AGBL4: variants seen among roughly 807,000 people sequenced by gnomAD.
The protein encoded by AGBL4 is cytosolic carboxypeptidase 6.
In AGBL4, 58 loss-of-function variants were observed where a neutral mutation model predicts 66.4. The observed-to-expected ratio is 0.87, with a 90% CI of 0.71 to 1.09. The LOEUF (loss-of-function observed/expected upper bound fraction) is 1.09. Ranked by LOEUF, AGBL4 falls within the 50% of genes least tolerant of loss-of-function variation. The pLI is 0.00. For missense variants in AGBL4, 579 were observed against 631.0 expected, an observed-to-expected ratio of 0.92 and a Z score of 0.88; for synonymous variants, 234 against 222.9, an observed-to-expected ratio of 1.05 and a Z score of -0.44.
chr1:49,737,885 A>G (rs1650030952), intron 2 of AGBL4, among the ~76,000 whole-genome samples: 2 of 152,240 alleles, frequency 1.3e-5, no homozygotes, highest in Admixed American at 1.3e-4. Context: ...TATAGCTCCC[A>G]GCATGAGCAA....
chr1:49,070,522 G>A (rs1644580456), intron 4 of AGBL4, among the ~76,000 whole-genome samples: 1 of 151,958 alleles, frequency 6.6e-6, no homozygotes. Flanking sequence ...CTGTTTATGT[G>A]ATGGATTATG....
At chr1:48,704,546 A>G (rs979281127) in intron 6 of AGBL4, among the ~76,000 whole-genome samples, 30 of 152,248 alleles carry the variant, frequency 2.0e-4, no homozygotes, top group African/African-American at 6.5e-4. Context: ...GCTTTTTTCC[A>G]TGTTTAAAAT....
At chr1:49,151,442 T>C (rs1646331478) in intron 4 of AGBL4, among the ~76,000 whole-genome samples, 1 of 151,862 alleles carries the variant, frequency 6.6e-6, no homozygotes, top group African/African-American at 2.4e-5. Context: ...AATAATGCAA[T>C]AATGTGTGAG....
chr1:49,507,626 G>T (rs1428518053), intron 3 of AGBL4, among the ~76,000 whole-genome samples: 2 of 151,586 alleles, frequency 1.3e-5, no homozygotes, highest in Non-Finnish European at 2.9e-5. Flanking sequence ...TGAGAACTTG[G>T]GTGCTTCTTG....
chr1:49,145,039 C>A (rs768098082), intron 4 of AGBL4, among the ~76,000 whole-genome samples: 6 of 152,024 alleles, frequency 3.9e-5, no homozygotes, highest in Non-Finnish European at 7.4e-5. Context: ...TACCCCGGAT[C>A]AGGCATAAAA....
chr1:49,895,336 C>T (rs940617538), intron 1 of AGBL4, among the ~76,000 whole-genome samples: 35 of 151,728 alleles, frequency 2.3e-4, no homozygotes, highest in Admixed American at 1.3e-4. Context: ...CACAGGTAAC[C>T]GTAAGTATAC....
At chr1:48,595,281 A>AT (rs907350602) in intron 9 of AGBL4, among the ~76,000 whole-genome samples, 4 of 152,126 alleles carry the variant, frequency 2.6e-5, no homozygotes, top group East Asian at 1.9e-4. Context: ...TATATTGCTG[A>AT]TTTTTTTCAA....
intron 4 of AGBL4, among the ~76,000 whole-genome samples, chr1:49,081,026 G>A (rs1172269039): frequency 2.6e-5 from 4 of 152,050 alleles, no homozygotes; most frequent in Admixed American, 6.6e-5. Context: ...AAACTTCTCT[G>A]AGACACATTC....
intron 3 of AGBL4, among the ~76,000 whole-genome samples, chr1:49,250,440 A>ATTTTT (rs1242148895): frequency 8.1e-6 from 1 of 122,714 alleles, no homozygotes; most frequent in Non-Finnish European, 1.7e-5. Flanking sequence ...ACAGGAACTA[A>ATTTTT]TTTTTTTTTT....
Position 48,603,301 on chromosome 1 carries a change from C to G in AGBL4, c.952-12316G>C, listed in dbSNP as rs1403159184. ...CCTGGTCAACATGGTGAAACCCTGGCTCTACTAAAAATACAAAAATTAGCT... is the reference window on the plus strand; with the variant it reads ...CCTGGTCAACATGGTGAAACCCTGGGTCTACTAAAAATACAAAAATTAGCT... On this transcript the variant is annotated intron_variant, in intron 9 of 13. Transcript: ENST00000371839. 6.6e-5 allele frequency among the ~76,000 whole-genome samples: 10 copies of G among 152,088 alleles called. No homozygotes were observed. The East Asian group carries it at 2.0e-3, about 30-fold the overall frequency.
intron 3 of AGBL4, among the ~76,000 whole-genome samples, chr1:49,511,615 T>TG (rs1024797603): frequency 2.0e-5 from 3 of 151,464 alleles, no homozygotes; most frequent in Non-Finnish European, 2.9e-5. Context: ...TTAAAAAAAA[T>TG]TTTTTTTTAA....
chr1:48,572,461 G>A (rs1189713175), intron 11 of AGBL4, among the ~76,000 whole-genome samples: 1 of 151,978 alleles, frequency 6.6e-6, no homozygotes, highest in Non-Finnish European at 1.5e-5. Context: ...AAGGGAGGTT[G>A]GGTGGGGGGA....
In AGBL4 at chr1:49,080,428, C is replaced by T. The variant is rs140565677; in HGVS notation, c.378-34628G>A. 2.2e-3 allele frequency among the ~76,000 whole-genome samples: 335 copies of T among 152,238 alleles called. 1 individual carries two copies. The highest frequency in any genetic ancestry group is 0.01 in the Middle Eastern group (3 of 294). On this transcript the variant is annotated intron_variant, in intron 4 of 13. Coordinates refer to ENST00000371839, the MANE Select transcript of AGBL4 (RefSeq NM_032785.4). ...TATTAATAGCAACTATGACTTTCAA[C>T]CAAAGGACATAGCCAGCCCTCACTG...
intron 4 of AGBL4, among the ~76,000 whole-genome samples, chr1:49,079,985 T>C (rs148701029): frequency 3.3e-5 from 5 of 152,354 alleles, no homozygotes; most frequent in Non-Finnish European, 7.3e-5. Flanking sequence ...AGGTATTTTC[T>C]GAGCATCTAT....
chr1:49,442,012 C>T (rs958900182), intron 3 of AGBL4, among the ~76,000 whole-genome samples: 36 of 152,184 alleles, frequency 2.4e-4, no homozygotes, highest in Admixed American at 2.2e-3. Flanking sequence ...ACTGAGCCCA[C>T]GATATGGCAC....
Position 48,852,286 on chromosome 1 carries a change from A to G in AGBL4, c.634+14905T>C, listed in dbSNP as rs184497495. ...GATAGAGACTCTATTCTTTTGTCCC[A>G]GTAGTATTGGGTAAGCACCAGTAAT... On this transcript the variant is annotated intron_variant, in intron 6 of 13. Coordinates refer to ENST00000371839, the MANE Select transcript of AGBL4 (RefSeq NM_032785.4). 3.1e-3 allele frequency among the ~76,000 whole-genome samples: 473 copies of G among 151,990 alleles called. 3 individuals are homozygous for G. The highest frequency in any genetic ancestry group is 0.01 in the African/African-American group (421 of 41,454).
chr1:49,868,398 C>A (rs1052060274), intron 1 of AGBL4, among the ~76,000 whole-genome samples: 1 of 152,114 alleles, frequency 6.6e-6, no homozygotes, highest in Non-Finnish European at 1.5e-5. Flanking sequence ...CTAAAGTAAC[C>A]AAAACAGTAT....
intron 1 of AGBL4, among the ~76,000 whole-genome samples, chr1:49,952,636 T>C (rs1656260109): frequency 6.6e-6 from 1 of 151,948 alleles, no homozygotes; most frequent in Non-Finnish European, 1.5e-5. Flanking sequence ...CTCTATTCAC[T>C]GCCTCCTCAA....
intron 3 of AGBL4, among the ~76,000 whole-genome samples, chr1:49,493,731 C>A (rs1455084588): frequency 2.6e-5 from 4 of 151,992 alleles, no homozygotes; most frequent in Non-Finnish European, 5.9e-5. Flanking sequence ...AAATCTTAGT[C>A]ACTGGGACAT....
Sources: allele counts gnomAD v4.1 joint callset (sites outside exome capture counted in the v4.1 genomes callset), GRCh38; gene constraint gnomAD v4.1.1; transcripts MANE v1.5; gene names NCBI Gene and HGNC (gene_info 2026-07-23, HGNC 2026-07-21).